SLIT3: variants seen among roughly 807,000 people sequenced by gnomAD.
SLIT3 encodes slit guidance ligand 3.
In SLIT3, 68 loss-of-function variants were observed where a neutral mutation model predicts 184.0. The observed-to-expected ratio is 0.37, with a 90% confidence interval of 0.30 to 0.45. The LOEUF is 0.45. Among genes scored for constraint, SLIT3 ranks in the 20% least tolerant of loss-of-function variants. The pLI is 1.00. For synonymous variants in SLIT3, 831 were observed against 828.6 expected (o/e 1.00, Z -0.05); for missense variants, 1,707 against 2,026.0 (o/e 0.84, Z 3.02).
rs577787016 is a variant in SLIT3, at chr5:168,824,248, C to G, written c.558-917G>C. ...GCCACTGTGTCAGCCTTCAGCACAT[C>G]TAATCTCAAACAAGTCTGTGAGCTC... On this transcript the variant is annotated intron_variant, in intron 6 of 35. Coordinates refer to ENST00000519560, the MANE Select transcript of SLIT3 (RefSeq NM_003062.4). Among the ~76,000 whole-genome samples the G allele has an allele frequency of 4.1e-4, 63 of 152,288 alleles. 1 individual carries two copies. In the South Asian group the frequency reaches 0.011, roughly 28 times the overall value.
chr5:168,868,928 G>C (rs1759411904), intron 5 of SLIT3, among the ~76,000 whole-genome samples: 2 of 152,160 alleles, frequency 1.3e-5, no homozygotes, highest in Non-Finnish European at 1.5e-5. Flanking sequence ...TTCTATTGGA[G>C]AATGGGATCT....
intron 4 of SLIT3, among the ~76,000 whole-genome samples, chr5:168,985,568 C>T (rs1395167691): frequency 6.6e-6 from 1 of 152,188 alleles, no homozygotes; most frequent in African/African-American, 2.4e-5. Flanking sequence ...TTTGCAGGTC[C>T]ACTCCTCCCT....
intron 3 of SLIT3, among the ~76,000 whole-genome samples, chr5:169,233,889 G>A (rs1005320444): frequency 9.2e-5 from 14 of 151,980 alleles, no homozygotes. Flanking sequence ...AAGCTATGAC[G>A]GCAGGAGTCT....
chr5:169,047,600 T>G (rs1312724284), intron 4 of SLIT3, among the ~76,000 whole-genome samples: 1 of 151,390 alleles, frequency 6.6e-6, no homozygotes, highest in Non-Finnish European at 1.5e-5. Flanking sequence ...CATCTAGCCT[T>G]ATGTCCATCA....
chr5:169,203,341 A>G (rs1414848574), intron 3 of SLIT3, among the ~76,000 whole-genome samples: 1 of 137,796 alleles, frequency 7.3e-6, no homozygotes, highest in East Asian at 2.4e-4. Context: ...TTATGCGTGC[A>G]TGTGAATGTG....
At chr5:168,781,139 T>C (rs1187881199) in intron 12 of SLIT3, among the ~76,000 whole-genome samples, 3 of 152,176 alleles carry the variant, frequency 2.0e-5, no homozygotes, top group African/African-American at 7.2e-5. Context: ...GCGGCCTGTC[T>C]GAAAAACAAG....
intron 4 of SLIT3, among the ~76,000 whole-genome samples, chr5:169,141,419 GTTTTGTTTTTTT>G (rs1561692548): frequency 7.0e-6 from 1 of 143,150 alleles, no homozygotes; most frequent in East Asian, 2.0e-4. Context: ...TTTGTTGTTT[GTTTTGTTTTTTT>G]TTTTGTTTTT....
intron 27 of SLIT3, among the ~76,000 whole-genome samples, 158 bp from the exon 28 acceptor site, chr5:168,696,589 T>G (rs1762072500): frequency 6.6e-6 from 1 of 152,140 alleles, no homozygotes. Flanking sequence ...CTTGGGGTCC[T>G]GAGCAGGAAG....
At chr5:168,872,896 T>C (rs1378126988) in intron 5 of SLIT3, among the ~76,000 whole-genome samples, 4 of 152,098 alleles carry the variant, frequency 2.6e-5, no homozygotes, top group South Asian at 4.1e-4. Flanking sequence ...TGCCTTGCAC[T>C]CCCAAAGTGC....
chr5:168,997,900 C>T (rs1415356595), intron 4 of SLIT3, among the ~76,000 whole-genome samples: 1 of 152,148 alleles, frequency 6.6e-6, no homozygotes, highest in Non-Finnish European at 1.5e-5. Context: ...TCTGTAGTGT[C>T]TATAAAGAGA....
At chr5:168,778,481 C>G (rs1055301933) in intron 12 of SLIT3, among the ~76,000 whole-genome samples, 1 of 152,194 alleles carries the variant, frequency 6.6e-6, no homozygotes, top group African/African-American at 2.4e-5. Context: ...TTTGGAAGAC[C>G]CTGCTTGCCT....
At chr5:169,272,952 T>A (rs1005291332) in intron 1 of SLIT3, among the ~76,000 whole-genome samples, 1 of 152,172 alleles carries the variant, frequency 6.6e-6, no homozygotes, top group Non-Finnish European at 1.5e-5. Flanking sequence ...AGCCCAGGCA[T>A]GACCTTTCCC....
intron 4 of SLIT3, among the ~76,000 whole-genome samples, chr5:168,910,786 T>C (rs1761228091): frequency 6.6e-6 from 1 of 151,634 alleles, no homozygotes; most frequent in South Asian, 2.1e-4. Context: ...AACATCACAA[T>C]TGCAAAGTGA....
chr5:168,666,102 C>CCTT lies in SLIT3; in HGVS notation c.*349_*351dup, dbSNP rs1487663663. ...ACAGGCTATCATTCTTTATTCTTAT[C>CCTT]CTTTTGTTTTAAAGCATTTTTATTA... On this transcript the variant is annotated 3_prime_UTR_variant, in exon 36 of 36. Transcript: ENST00000519560. 6.0e-6 allele frequency: 1 copy of CCTT among 167,366 alleles called. No homozygotes were observed. Among genetic ancestry groups the CCTT allele is most frequent in the African/African-American group, 2.4e-5 (1 of 42,064 alleles). 10.4% of individuals were successfully genotyped at this position (167,366 alleles called of 1,614,324 possible). A position where few individuals can be genotyped will look rare whatever the true frequency, so the allele number is the denominator to read the frequency against.
intron 4 of SLIT3, among the ~76,000 whole-genome samples, chr5:169,128,355 C>T (rs1761163325): frequency 2.6e-5 from 4 of 151,440 alleles, no homozygotes; most frequent in South Asian, 2.1e-4. Context: ...GAAATCACTT[C>T]GCTCTTCAGT....
intron 4 of SLIT3, among the ~76,000 whole-genome samples, chr5:169,117,825 G>A (rs534053087): frequency 6.6e-6 from 1 of 152,312 alleles, no homozygotes; most frequent in African/African-American, 2.4e-5. Flanking sequence ...GAAGTAGATT[G>A]AAGAAATTTG....
chr5:169,247,594 C>A (rs1182753339), intron 2 of SLIT3, among the ~76,000 whole-genome samples: 1 of 152,142 alleles, frequency 6.6e-6, no homozygotes, highest in African/African-American at 2.4e-5. Context: ...GCAAGGATAT[C>A]TATATGAGAT....
chr5:168,984,524 G>T (rs530404964), intron 4 of SLIT3, among the ~76,000 whole-genome samples: 1 of 152,252 alleles, frequency 6.6e-6, no homozygotes, highest in South Asian at 2.1e-4. Context: ...CAAGCTGTCT[G>T]TATAAGACCA....
chr5:168,705,555 C>T (rs1762350965), intron 26 of SLIT3, among the ~76,000 whole-genome samples: 1 of 152,176 alleles, frequency 6.6e-6, no homozygotes, highest in Non-Finnish European at 1.5e-5. Flanking sequence ...TCACCATCAT[C>T]ATCTTCACCA....
Sources: allele counts gnomAD v4.1 joint callset (sites outside exome capture counted in the v4.1 genomes callset), GRCh38; gene constraint gnomAD v4.1.1; transcripts MANE v1.5; gene names NCBI Gene and HGNC (gene_info 2026-07-23, HGNC 2026-07-21).